The following DHX9 variants were observed in gnomAD, a reference collection of about 807,000 sequenced individuals.
DHX9 encodes ATP-dependent RNA helicase A.
Under a neutral mutation model 148.7 loss-of-function variants are expected in DHX9, and 27 were observed. That is an observed-to-expected ratio of 0.18 (90% CI 0.13 to 0.25). The LOEUF is 0.25. DHX9 is among the 10% of genes least tolerant of loss of function. The probability of loss-of-function intolerance (pLI) is 1.00; values close to 1 mark genes in which losing one functional copy is unlikely to be tolerated. For missense variants in DHX9, 796 were observed against 1,559.6 expected (o/e 0.51, Z 8.25); for synonymous variants, 529 against 516.6 (o/e 1.02, Z -0.33).
intron 14 of DHX9, among the ~76,000 whole-genome samples, chr1:182,868,451 A>G (rs937690679): frequency 6.6e-6 from 1 of 151,946 alleles, no homozygotes; most frequent in Non-Finnish European, 1.5e-5. Flanking sequence ...ATTTAATAAA[A>G]TTTAAAATAA....
intron 7 of DHX9, 109 bp downstream of exon 7, chr1:182,856,687 A>G (rs1363345027): frequency 2.3e-6 from 2 of 859,126 alleles, no homozygotes; most frequent in Admixed American, 2.2e-5. Context: ...GAAAGAGCAC[A>G]TAATGTAAGA....
intron 12 of DHX9, among the ~76,000 whole-genome samples, chr1:182,861,704 C>T (rs1436776115): frequency 6.6e-6 from 1 of 152,206 alleles, no homozygotes; most frequent in African/African-American, 2.4e-5. Flanking sequence ...TTAAAATGTT[C>T]AGTGGCATGG....
chr1:182,863,153 C>A (rs545665227), intron 12 of DHX9, among the ~76,000 whole-genome samples: 1 of 152,298 alleles, frequency 6.6e-6, no homozygotes, highest in South Asian at 2.1e-4. Flanking sequence ...TAACTAGTCT[C>A]ACTTTTGTCG....
At chr1:182,877,368 A>G (rs1397255865) in intron 19 of DHX9, 2 of 153,246 alleles carry the variant, frequency 1.3e-5, no homozygotes, top group African/African-American at 4.8e-5. Context: ...CAGGAATTAC[A>G]TGGTAATTGA....
At position 182,866,946 on chromosome 1, in the gene DHX9, G is replaced by A. The variant is rs1456269132; in HGVS notation, c.1475-15G>A. 1.3e-6 allele frequency: 2 copies of A among 1,596,364 alleles called. No homozygotes were observed. Among genetic ancestry groups the A allele is most frequent in the Non-Finnish European group, 1.7e-6 (2 of 1,172,420 alleles). On this transcript the variant is annotated splice_polypyrimidine_tract_variant and intron_variant, in intron 13 of 27. Coordinates refer to ENST00000367549, the MANE Select transcript of DHX9 (RefSeq NM_001357.5). ...TGAACTTTTCTATAGTTTATTGATT[G>A]TTTTTCTTTTCAAGGTGTGCTCCTG...
chr1:182,866,282 G>A (rs1221122841), intron 12 of DHX9, among the ~76,000 whole-genome samples, 162 bp from the exon 13 acceptor site: 1 of 152,150 alleles, frequency 6.6e-6, no homozygotes, highest in African/African-American at 2.4e-5. Context: ...CATTTTTTAA[G>A]TGTCTGCCGT....
At chr1:182,881,919 G>A (rs376372311) in intron 24 of DHX9, among the ~76,000 whole-genome samples, 16 of 152,024 alleles carry the variant, frequency 1.1e-4, no homozygotes, top group African/African-American at 3.4e-4. Context: ...TTATACTTTC[G>A]GTGTACAGAT....
chr1:182,876,410 T>C (rs1208021435), intron 17 of DHX9, 37 bp from the exon 18 acceptor site: 1 of 1,588,128 alleles, frequency 6.3e-7, no homozygotes, highest in Non-Finnish European at 8.6e-7. Flanking sequence ...AACCAGCTCC[T>C]GTTTTTAGTC....
At chr1:182,883,664 C>A in intron 26 of DHX9, 29 bp downstream of exon 26, 1 of 1,496,128 alleles carries the variant, frequency 6.7e-7, no homozygotes, top group Non-Finnish European at 9.3e-7. Flanking sequence ...GAACTCCAAA[C>A]TGAATTCTTA....
intron 3 of DHX9, among the ~76,000 whole-genome samples, chr1:182,843,823 G>C (rs964455271): frequency 6.6e-6 from 1 of 152,150 alleles, no homozygotes; most frequent in Non-Finnish European, 1.5e-5. Flanking sequence ...TAAGCGATGA[G>C]GTCTTGCTCT....
intron 11 of DHX9, 75 bp from the exon 12 acceptor site, chr1:182,859,917 GT>G: frequency 6.8e-7 from 1 of 1,464,916 alleles, no homozygotes; most frequent in Non-Finnish European, 9.2e-7. Flanking sequence ...AGAGATGGAA[GT>G]TTTTTAAAGG....
chr1:182,839,664 TGGC>T (rs1667878817), intron 1 of DHX9: 1 of 152,234 alleles, frequency 6.6e-6, no homozygotes. Flanking sequence ...GGGCAGCCTG[TGGC>T]CCCCTCCCCT....
chr1:182,881,198 C>A, intron 22 of DHX9, 66 bp from the exon 23 acceptor site: 2 of 1,528,816 alleles, frequency 1.3e-6, no homozygotes, highest in African/African-American at 1.4e-5. Flanking sequence ...AGTCGACAGT[C>A]CTACCTGAGC....
intron 12 of DHX9, among the ~76,000 whole-genome samples, chr1:182,860,686 A>G (rs1025677095): frequency 1.3e-5 from 2 of 152,248 alleles, no homozygotes; most frequent in Admixed American, 6.5e-5. Context: ...AAAATGCCCA[A>G]GGTTAACACA....
intron 12 of DHX9, among the ~76,000 whole-genome samples, chr1:182,864,887 A>T (rs1648219951): frequency 6.6e-6 from 1 of 152,140 alleles, no homozygotes; most frequent in Non-Finnish European, 1.5e-5. Context: ...TGCTTGAGAA[A>T]CTGACCATCT....
intron 18 of DHX9, 69 bp from the exon 19 acceptor site, chr1:182,876,761 T>G: frequency 8.3e-7 from 1 of 1,207,518 alleles, no homozygotes. Flanking sequence ...GTTACATACA[T>G]AAGCAAATCA....
Position 182,876,524 on chromosome 1 carries a change from C to T in DHX9, c.2107C>T (p.Pro703Ser), listed in dbSNP as rs753735818. The stretch of plus-strand genomic sequence containing the variant: ...ACAGCGCAAAGTGTTTGATCCAGTA[C>T]CAGTTGGAGTAACCAAGGTAAATAT... ...EEQRKVFDPV[P>S]VGVTKVILST... is the part of the protein sequence containing the mutation. The change falls in exon 18 of 28, where the codon CCA becomes TCA. Residue 703 changes from proline (P) to serine (S), a missense_variant. This residue lies in a region of DHX9 where 133 missense variants were observed against 223.8 expected (regional missense o/e 0.59). Coordinates refer to ENST00000367549, the MANE Select transcript of DHX9 (RefSeq NM_001357.5). The T allele has an allele frequency of 6.2e-7, 1 of 1,611,778 alleles. No homozygotes were observed. Among genetic ancestry groups the T allele is most frequent in the South Asian group, 1.1e-5 (1 of 90,992 alleles).
At chr1:182,839,987 G>T (rs1031879355) in intron 1 of DHX9, 1 of 152,432 alleles carries the variant, frequency 6.6e-6, no homozygotes, top group African/African-American at 2.4e-5. Context: ...CGGCCAACGC[G>T]AAGGAAAAGC....
chr1:182,859,014 G>T lies in DHX9; in HGVS notation c.1063-26G>T. The T allele has an allele frequency of 1.9e-6, 3 of 1,612,582 alleles. No individual in the cohort carries two copies. The South Asian group carries it at 3.3e-5, about 18-fold the overall frequency. The stretch of plus-strand genomic sequence containing the variant: ...GAAGCTGAATTATGTGCTTTTGTTT[G>T]ACTATGTTGGCTTTTTGTTTTACAG... On this transcript the variant is annotated intron_variant, in intron 10 of 27. Coordinates refer to ENST00000367549, the MANE Select transcript of DHX9 (RefSeq NM_001357.5).
Sources: allele counts gnomAD v4.1 joint callset (sites outside exome capture counted in the v4.1 genomes callset), GRCh38; gene constraint gnomAD v4.1.1; regional missense constraint gnomAD v4.1.1; transcripts MANE v1.5; gene names NCBI Gene and HGNC (gene_info 2026-07-23, HGNC 2026-07-21).